Variants in BICD1 observed in about 807,000 individuals in gnomAD.
The protein encoded by BICD1 is protein bicaudal D homolog 1.
In BICD1, 35 loss-of-function variants were observed where a neutral mutation model predicts 92.5. The ratio of observed to expected loss-of-function variants is 0.38; its 90% CI spans 0.29 to 0.50. The LOEUF (loss-of-function observed/expected upper bound fraction) is 0.50, where lower values mean the gene tolerates loss of function less well. BICD1 is among the 20% of genes least tolerant of loss of function. The probability of loss-of-function intolerance (pLI) is 0.93; values close to 1 mark genes in which losing one functional copy is unlikely to be tolerated. For missense variants in BICD1, 950 were observed against 1,189.8 expected, an observed-to-expected ratio of 0.80 and a Z score of 2.97; for synonymous variants, 429 against 465.1, an observed-to-expected ratio of 0.92 and a Z score of 1.00.
At chr12:32,117,707 T>TACACACACACACAC (rs1375369579) in intron 1 of BICD1, among the ~76,000 whole-genome samples, 1 of 63,528 alleles carries the variant, frequency 1.6e-5, no homozygotes, top group African/African-American at 8.6e-5. Context: ...TACACAAATA[T>TACACACACACACAC]ATATACACAC....
intron 2 of BICD1, among the ~76,000 whole-genome samples, chr12:32,262,891 C>T (rs568507388): frequency 6.6e-6 from 1 of 152,246 alleles, no homozygotes; most frequent in South Asian, 2.1e-4. Flanking sequence ...CGCCTGTAAT[C>T]CCAGCACTTT....
intron 1 of BICD1, among the ~76,000 whole-genome samples, chr12:32,166,961 G>T (rs1379240612): frequency 6.6e-6 from 1 of 152,230 alleles, no homozygotes; most frequent in Non-Finnish European, 1.5e-5. Context: ...TATCAACATA[G>T]AAATAAAATT....
chr12:32,113,575 CCTCT>C (rs1941778015), intron 1 of BICD1, among the ~76,000 whole-genome samples: 2 of 150,470 alleles, frequency 1.3e-5, no homozygotes, highest in African/African-American at 4.9e-5. Flanking sequence ...ACTGAGTCTC[CCTCT>C]GTTTCCCCAG....
chr12:32,197,258 C>G (rs1944755156), intron 1 of BICD1, among the ~76,000 whole-genome samples: 1 of 152,196 alleles, frequency 6.6e-6, no homozygotes, highest in African/African-American at 2.4e-5. Flanking sequence ...ATCTGCCCAC[C>G]TTGGCCTCCC....
chr12:32,345,171 C>G (rs1489249041), intron 8 of BICD1, among the ~76,000 whole-genome samples: 2 of 151,418 alleles, frequency 1.3e-5, no homozygotes, highest in Non-Finnish European at 2.9e-5. Context: ...ACTCATAGTC[C>G]CAGCTGCTCA....
chr12:32,334,469 G>C (rs1204945207), intron 5 of BICD1, 47 bp from the exon 6 acceptor site: 1 of 1,548,998 alleles, frequency 6.5e-7, no homozygotes, highest in African/African-American at 1.4e-5. Flanking sequence ...CTGTATGATG[G>C]ATTTTCCTGA....
intron 1 of BICD1, among the ~76,000 whole-genome samples, chr12:32,209,464 A>G (rs1945151995): frequency 6.6e-6 from 1 of 152,210 alleles, no homozygotes; most frequent in Admixed American, 6.5e-5. Flanking sequence ...CAGAAAGGTA[A>G]TTGGTCAGAT....
chr12:32,116,438 C>CTCTGTCTGTCTGTCTG (rs1171456421), intron 1 of BICD1, among the ~76,000 whole-genome samples: 2 of 148,272 alleles, frequency 1.3e-5, no homozygotes, highest in African/African-American at 5.0e-5. Context: ...ATGTCTCTGT[C>CTCTGTCTGTCTGTCTG]TCTGTCTGTC....
At chr12:32,170,022 T>C (rs1943889128) in intron 1 of BICD1, among the ~76,000 whole-genome samples, 3 of 152,230 alleles carry the variant, frequency 2.0e-5, no homozygotes, top group Admixed American at 1.3e-4. Flanking sequence ...ACGGGTCCTT[T>C]TCACACTTGT....
At chr12:32,240,255 A>T (rs1230792548) in intron 2 of BICD1, among the ~76,000 whole-genome samples, 1 of 152,150 alleles carries the variant, frequency 6.6e-6, no homozygotes, top group East Asian at 1.9e-4. Context: ...AAGTACTATG[A>T]ATTTTATGGC....
At chr12:32,225,522 A>G (rs1408527976) in intron 2 of BICD1, among the ~76,000 whole-genome samples, 1 of 152,050 alleles carries the variant, frequency 6.6e-6, no homozygotes, top group African/African-American at 2.4e-5. Context: ...TAAGTTTTCC[A>G]GAGCAGCTGT....
chr12:32,164,474 C>T (rs1263400764), intron 1 of BICD1, among the ~76,000 whole-genome samples: 4 of 152,198 alleles, frequency 2.6e-5, no homozygotes, highest in African/African-American at 4.8e-5. Flanking sequence ...CTATCTTTGT[C>T]TCTTTCTCTT....
intron 4 of BICD1, among the ~76,000 whole-genome samples, chr12:32,310,897 T>C (rs1406332210): frequency 2.0e-5 from 3 of 152,196 alleles, no homozygotes; most frequent in Admixed American, 2.0e-4. Context: ...TTGAAAACAG[T>C]ATACCTAGTC....
At chr12:32,232,725 A>T (rs970373215) in intron 2 of BICD1, among the ~76,000 whole-genome samples, 24 of 152,150 alleles carry the variant, frequency 1.6e-4, no homozygotes, top group South Asian at 8.3e-4. Context: ...GTTTTAGGTC[A>T]AACGTTTAAG....
chr12:32,250,387 T>C (rs2136103056), intron 2 of BICD1, among the ~76,000 whole-genome samples: 1 of 152,326 alleles, frequency 6.6e-6, no homozygotes, highest in South Asian at 2.1e-4. Context: ...CTGGGATACA[T>C]ACTGCTCATT....
chr12:32,236,913 T>C (rs4001807), intron 2 of BICD1, among the ~76,000 whole-genome samples: 95,863 of 143,350 alleles, frequency 0.67, 32,450 homozygotes, highest in African/African-American at 0.77. Context: ...CTTGCTCTGT[T>C]GCCCAGGCTG....
intron 2 of BICD1, among the ~76,000 whole-genome samples, chr12:32,275,866 T>A (rs962319714): frequency 6.6e-6 from 1 of 152,298 alleles, no homozygotes; most frequent in African/African-American, 2.4e-5. Context: ...TCCACGGTTC[T>A]CTTCCATGAC....
chr12:32,304,807 CAGG>C (rs966297644), intron 3 of BICD1, among the ~76,000 whole-genome samples: 60 of 152,100 alleles, frequency 3.9e-4, no homozygotes, highest in Admixed American at 3.3e-4. Flanking sequence ...TGCTTGAGCC[CAGG>C]AGTTCAAGAG....
intron 2 of BICD1, 86 bp downstream of exon 2, chr12:32,216,545 T>C: frequency 1.4e-6 from 2 of 1,432,996 alleles, no homozygotes; most frequent in African/African-American, 1.4e-5. Flanking sequence ...AACACTTTTG[T>C]TTTAATCAGA....
Sources: gnomAD v4.1 joint callset for allele counts (sites outside exome capture counted in the v4.1 genomes callset) on GRCh38, gnomAD v4.1.1 for gene constraint, MANE v1.5 for transcripts, NCBI Gene and HGNC (gene_info 2026-07-23, HGNC 2026-07-21) for gene names.